LAMA5: variants seen among roughly 807,000 people sequenced by gnomAD.
The protein encoded by LAMA5 is laminin subunit alpha-5.
LAMA5 carries 260 observed loss-of-function variants against 433.4 expected under a neutral mutation model. That is an observed-to-expected ratio of 0.60 (90% CI 0.54 to 0.66). LAMA5 has a LOEUF of 0.66. LAMA5 is among the 30% of genes least tolerant of loss of function. The probability of loss-of-function intolerance (pLI) is 0.00; values close to 1 mark genes in which losing one functional copy is unlikely to be tolerated. For synonymous variants in LAMA5, 2,620 were observed against 2,226.6 expected (o/e 1.18, Z -4.97); for missense variants, 5,378 against 5,258.5 (o/e 1.02, Z -0.70).
At chr20:62,334,938 C>G in intron 20 of LAMA5, 83 bp downstream of exon 20, 1 of 1,330,206 alleles carries the variant, frequency 7.5e-7, no homozygotes, top group Non-Finnish European at 1.1e-6. Flanking sequence ...CCAGGCTGCA[C>G]TTGTCCCTCC....
intron 28 of LAMA5, among the ~76,000 whole-genome samples, chr20:62,331,819 A>G (rs115968822): frequency 0.013 from 1,955 of 152,326 alleles, 37 homozygotes; most frequent in African/African-American, 0.045. Context: ...TGGGAGGCCC[A>G]AGAGGGCGGA....
In LAMA5 at chr20:62,329,195, G is replaced by T. The variant is rs773709240; in HGVS notation, c.4178C>A (p.Pro1393His). 2 of 1,612,868 alleles carry T rather than the reference G, an allele frequency of 1.2e-6. No individual in the cohort carries two copies. The highest frequency in any genetic ancestry group is 1.7e-6 in the Non-Finnish European group (2 of 1,179,924). ...VYSFGYLREE[P>H]LDKSYDFISH... ...GATGAAGTCATAGGATTTATCCAGG[G>T]GCTCCTCCCGGAGGTAGCCAAAGCT... The change falls in exon 33 of 80, where the codon CCC becomes CAC. Residue 1393 changes from proline to histidine, a missense_variant. By Grantham distance (77) the Pro-to-His change is moderately conservative (BLOSUM62 -2). Transcript: ENST00000252999.
chr20:62,328,252 G>A lies in LAMA5; in HGVS notation c.4641C>T (p.Ser1547=), dbSNP rs750159288. ...CTCTGGGCTCTCACTTGCACTGGCC[G>A]CTGTCTGTGTCACAGGTAGGGTCTG... is the stretch of plus-strand genomic sequence containing the variant. ...ELTDPTCDTD[S]GQCKCRPNVT... Residue 1547 remains serine, a synonymous_variant, in exon 35 of 80, where the codon AGC becomes AGT. Transcript: ENST00000252999. The A allele has an allele frequency of 2.5e-5, 40 of 1,604,658 alleles. No individual in the cohort carries two copies. The highest frequency in any genetic ancestry group is 3.4e-5 in the Admixed American group (2 of 58,984).
In LAMA5 at chr20:62,347,093, T is replaced by G; in HGVS notation, c.957-65A>C. 4 of 1,261,300 alleles carry G rather than the reference T, an allele frequency of 3.2e-6. No individual in the cohort carries two copies. The South Asian group carries it at 5.0e-5, about 16-fold the overall frequency. 78.1% of individuals were successfully genotyped at this position (1,261,300 alleles called of 1,614,324 possible). A position where few individuals can be genotyped will look rare whatever the true frequency, so the allele number is the denominator to read the frequency against. On this transcript the variant is annotated intron_variant, in intron 6 of 79. Transcript: ENST00000252999. The stretch of plus-strand genomic sequence containing the variant: ...AGGCAGGTGGCAGGTGCTCAGTCCC[T>G]TCCCTGAAGGGGCCTGTGATCCCCT...
chr20:62,344,303 C>T (rs1486887336), intron 11 of LAMA5, among the ~76,000 whole-genome samples: 1 of 151,726 alleles, frequency 6.6e-6, no homozygotes, highest in East Asian at 1.9e-4. Context: ...ATCCCAATTC[C>T]AGAAACACTA....
In LAMA5 at chr20:62,334,214, C is replaced by T; in HGVS notation, c.2711G>A (p.Arg904Lys). 2.5e-6 allele frequency: 4 copies of T among 1,612,932 alleles called. No individual in the cohort carries two copies. Among genetic ancestry groups the T allele is most frequent in the Non-Finnish European group, 3.4e-6 (4 of 1,179,912 alleles). Reference protein sequence around the residue: ...NPLEFENFSWRGYAQMAPVQP... With the variant: ...NPLEFENFSWKGYAQMAPVQP... ...GACAGGTGCCATCTGCGCGTAGCCC[C>T]TCCAGCTGAAGTTCTCGAACTCGAG... Residue 904 changes from arginine to lysine, a missense_variant, in exon 22 of 80, where the codon AGG (arginine) becomes AAG (lysine). Coordinates refer to ENST00000252999, the MANE Select transcript of LAMA5 (RefSeq NM_005560.6).
intron 51 of LAMA5, 123 bp from the exon 52 acceptor site, chr20:62,319,136 C>A: frequency 2.8e-6 from 3 of 1,074,110 alleles, no homozygotes; most frequent in South Asian, 1.7e-5. Context: ...GGAACCTGAG[C>A]GCACCTGGGT....
intron 28 of LAMA5, 96 bp downstream of exon 28, chr20:62,332,276 G>T: frequency 1.1e-6 from 1 of 870,362 alleles, no homozygotes; most frequent in East Asian, 2.5e-5. Context: ...CCGCCTTGGG[G>T]ACCTGGGACC....
chr20:62,350,117 C>T (rs1159845938), intron 6 of LAMA5, among the ~76,000 whole-genome samples: 1 of 151,836 alleles, frequency 6.6e-6, no homozygotes, highest in Non-Finnish European at 1.5e-5. Context: ...AGTCCACACC[C>T]AGGTGCGGTG....
chr20:62,317,354 T>G lies in LAMA5; in HGVS notation c.7502A>C (p.Asn2501Thr). The change falls in exon 55 of 80, where the codon AAT becomes ACT. Residue 2501 changes from asparagine to threonine, a missense_variant. Coordinates refer to ENST00000252999, the MANE Select transcript of LAMA5 (RefSeq NM_005560.6). ...TCTCCTGGCCACCCACCTGGACAGA[T>G]TGAGTGCCAGCTGGCCCAGCTGCTG... is the stretch of plus-strand genomic sequence containing the variant. ...HAQQLGQLAL[N>T]LSSIILDVNQ... is the part of the protein sequence containing the mutation. 2 of 1,607,490 alleles carry G rather than the reference T, an allele frequency of 1.2e-6. No homozygotes were observed. The highest frequency in any genetic ancestry group is 1.7e-6 in the Non-Finnish European group (2 of 1,178,626).
chr20:62,334,549 G>C lies in LAMA5; in HGVS notation c.2555C>G (p.Pro852Arg). ...EPRTGVCRCRPNTQGPTCSEP... is the reference protein window; with the variant it reads ...EPRTGVCRCRRNTQGPTCSEP... ...GCTGCAGGTGGGGCCCTGGGTGTTG[G>C]GGCGGCACCGGCAGACGCCCGTCCT... is the stretch of plus-strand genomic sequence containing the variant. Residue 852 changes from proline to arginine, a missense_variant, in exon 21 of 80, where the codon CCC becomes CGC. Physicochemically the swap from Pro to Arg is moderately radical, Grantham distance 103 (BLOSUM62 -2). Transcript: ENST00000252999. The C allele has an allele frequency of 1.9e-6, 3 of 1,548,622 alleles. No homozygotes were observed. The highest frequency in any genetic ancestry group is 2.6e-6 in the Non-Finnish European group (3 of 1,146,738).
chr20:62,323,548 C>G lies in LAMA5; in HGVS notation c.5972G>C (p.Cys1991Ser). The G allele has an allele frequency of 6.3e-7, 1 of 1,591,666 alleles. No homozygotes were observed. The highest frequency in any genetic ancestry group is 8.5e-7 in the Non-Finnish European group (1 of 1,171,972). Residue 1991 changes from cysteine to serine, a missense_variant, in exon 45 of 80, where the codon TGC (cysteine) becomes TCC (serine). Transcript: ENST00000252999. ...AGTGGTGTGGCGCAGGCAGCCACGG[C>G]AGGCGCCCGTCAGGGGGTCGCAGTC... Reference protein sequence around the residue: ...FSDCDPLTGACRGCLRHTTGP... With the variant: ...FSDCDPLTGASRGCLRHTTGP...
Position 62,352,359 on chromosome 20 carries a change from G to C in LAMA5, c.570C>G (p.Ser190=), listed in dbSNP as rs199848611. The C allele has an allele frequency of 6.3e-7, 1 of 1,597,132 alleles. No homozygotes were observed. The highest frequency in any genetic ancestry group is 8.5e-7 in the Non-Finnish European group (1 of 1,178,528). Reference sequence around the variant, plus strand: ...ACCGCTCCAGACAGTCCCTCTTGGAGGCTGCGGGGAATGGCGGGAGGGGAG... The same window carrying C: ...ACCGCTCCAGACAGTCCCTCTTGGACGCTGCGGGGAATGGCGGGAGGGGAG... ...RTYQPWQFFA[S]SKRDCLERFG... Residue 190 remains serine (S), a splice_region_variant and synonymous_variant, in exon 4 of 80, where the codon TCC becomes TCG. Transcript: ENST00000252999.
chr20:62,322,005 T>C lies in LAMA5; in HGVS notation c.6496+14A>G, dbSNP rs1331885518. The C allele has an allele frequency of 6.3e-6, 10 of 1,595,512 alleles. No individual in the cohort carries two copies. Among genetic ancestry groups the C allele is most frequent in the Non-Finnish European group, 8.5e-6 (10 of 1,177,586 alleles). ...CTCCATCAGGTGTGGGGAAGTGGGGTGTTGAGGACACACCTTCACAGTGGA... is the reference window on the plus strand; with the variant it reads ...CTCCATCAGGTGTGGGGAAGTGGGGCGTTGAGGACACACCTTCACAGTGGA... On this transcript the variant is annotated intron_variant, in intron 48 of 79. Transcript: ENST00000252999.
At chr20:62,331,630 G>C (rs1448185848) in intron 28 of LAMA5, among the ~76,000 whole-genome samples, 4 of 152,226 alleles carry the variant, frequency 2.6e-5, no homozygotes, top group Non-Finnish European at 5.9e-5. Context: ...CACTCAGCAG[G>C]CACAAGCCGC....
intron 2 of LAMA5, among the ~76,000 whole-genome samples, chr20:62,354,656 C>T (rs1005362110): frequency 2.6e-5 from 4 of 152,108 alleles, no homozygotes; most frequent in African/African-American, 7.2e-5. Context: ...CAGGAGGGGG[C>T]GGTGCCCAAG....
Position 62,326,908 on chromosome 20 carries a change from T to C in LAMA5, c.5171A>G (p.Asp1724Gly). ...YELHSETQRG[D>G]VFVPMESRPD... ...CCTGCTCTCCATGGGGACAAAGACA[T>C]CTCCCCGCTGGGTCTCTGAGTGCAG... Residue 1724 changes from aspartate to glycine, a missense_variant, in exon 39 of 80, where the codon GAT becomes GGT. Physicochemically the swap from Asp to Gly is moderately conservative, Grantham distance 94. Coordinates refer to ENST00000252999, the MANE Select transcript of LAMA5 (RefSeq NM_005560.6). The C allele has an allele frequency of 6.2e-7, 1 of 1,612,190 alleles. No homozygotes were observed. Among genetic ancestry groups the C allele is most frequent in the South Asian group, 1.1e-5 (1 of 90,990 alleles).
At chr20:62,310,606 AG>A (rs770588880) in intron 75 of LAMA5, 34 bp from the exon 76 acceptor site, 2 of 1,577,512 alleles carry the variant, frequency 1.3e-6, no homozygotes, top group Non-Finnish European at 1.7e-6. Flanking sequence ...ATCAGGGCCC[AG>A]GGCAGCTGAA....
intron 52 of LAMA5, 68 bp from the exon 53 acceptor site, chr20:62,318,718 T>C (rs1987325595): frequency 6.3e-7 from 1 of 1,578,180 alleles, no homozygotes. Context: ...TGGTCTCCAC[T>C]TGGTGCCCGC....
Sources: gnomAD v4.1 joint callset for allele counts (sites outside exome capture counted in the v4.1 genomes callset) on GRCh38, gnomAD v4.1.1 for gene constraint, MANE v1.5 for transcripts, NCBI Gene and HGNC (gene_info 2026-07-23, HGNC 2026-07-21) for gene names.